The following GRID2 variants were observed in gnomAD, a reference collection of about 807,000 sequenced individuals.
GRID2 encodes the protein glutamate ionotropic receptor delta type subunit 2.
Under a neutral mutation model 114.8 loss-of-function variants are expected in GRID2, and 33 were observed. The ratio of observed to expected loss-of-function variants is 0.29; its 90% CI spans 0.22 to 0.38. The LOEUF is 0.38. Ranked by LOEUF, GRID2 falls within the 10% of genes least tolerant of loss-of-function variation. GRID2 has a pLI of 1.00. For missense variants in GRID2, 1,184 were observed against 1,257.7 expected (o/e 0.94, Z 0.89); for synonymous variants, 505 against 449.9 (o/e 1.12, Z -1.55).
intron 1 of GRID2, among the ~76,000 whole-genome samples, chr4:92,391,441 A>G (rs1252664307): frequency 6.6e-6 from 1 of 152,278 alleles, no homozygotes. Context: ...AATAATATTA[A>G]CAGTATTAGT....
chr4:92,969,543 A>G (rs1273113344), intron 2 of GRID2, among the ~76,000 whole-genome samples: 1 of 151,786 alleles, frequency 6.6e-6, no homozygotes, highest in East Asian at 1.9e-4. Context: ...GCTAACATGT[A>G]TTGAGTAATT....
chr4:92,960,188 G>C (rs1290492137), intron 2 of GRID2, among the ~76,000 whole-genome samples: 2 of 151,942 alleles, frequency 1.3e-5, no homozygotes, highest in Non-Finnish European at 2.9e-5. Flanking sequence ...CCCAGAATGT[G>C]GTTTACCTTG....
At chr4:93,227,391 C>A (rs1160242445) in intron 7 of GRID2, among the ~76,000 whole-genome samples, 3 of 151,972 alleles carry the variant, frequency 2.0e-5, no homozygotes, top group Non-Finnish European at 4.4e-5. Context: ...CCACACCTGG[C>A]TAATTTTTTG....
At chr4:93,747,228 T>C (rs1466327331) in intron 14 of GRID2, among the ~76,000 whole-genome samples, 1 of 152,126 alleles carries the variant, frequency 6.6e-6, no homozygotes, top group East Asian at 1.9e-4. Context: ...TCCATACTGC[T>C]TTGCTTAGTT....
chr4:92,766,640 C>G (rs1257657698), intron 2 of GRID2, among the ~76,000 whole-genome samples: 5 of 151,154 alleles, frequency 3.3e-5, no homozygotes, highest in South Asian at 4.2e-4. Context: ...ACTAGACTGT[C>G]TAAAGGTCAT....
At chr4:93,626,014 T>G (rs1432614196) in intron 13 of GRID2, among the ~76,000 whole-genome samples, 1 of 152,236 alleles carries the variant, frequency 6.6e-6, no homozygotes, top group African/African-American at 2.4e-5. Flanking sequence ...AGACATGATT[T>G]AAGTATACTG....
chr4:93,506,703 G>T (rs549855558), intron 12 of GRID2, among the ~76,000 whole-genome samples: 2 of 152,232 alleles, frequency 1.3e-5, no homozygotes, highest in Admixed American at 1.3e-4. Flanking sequence ...AACCCTCTTT[G>T]TTCCTCCTAT....
chr4:92,627,598 T>C (rs1219252308), intron 2 of GRID2, among the ~76,000 whole-genome samples: 1 of 152,132 alleles, frequency 6.6e-6, no homozygotes, highest in Non-Finnish European at 1.5e-5. Context: ...ATTTGTGCAA[T>C]TTAATAATAA....
chr4:92,823,376 T>C lies in GRID2; in HGVS notation c.244+233090T>C, dbSNP rs141742029. Among the ~76,000 whole-genome samples the C allele has an allele frequency of 2.7e-3, 410 of 152,246 alleles. 2 individuals carry two copies. The highest frequency in any genetic ancestry group is 9.4e-3 in the African/African-American group (391 of 41,568). ...CCAATCCCTAGCACCCTGTACAAGA[T>C]TGATCTATTGATATTTGCTAAATTT... On this transcript the variant is annotated intron_variant, in intron 2 of 15. Transcript: ENST00000282020.
intron 1 of GRID2, among the ~76,000 whole-genome samples, chr4:92,559,918 G>T (rs1448791293): frequency 6.6e-6 from 1 of 152,112 alleles, no homozygotes; most frequent in Non-Finnish European, 1.5e-5. Flanking sequence ...ACCAAAATTA[G>T]ACTTCTTATA....
At chr4:92,499,067 C>A (rs564542863) in intron 1 of GRID2, among the ~76,000 whole-genome samples, 11 of 151,756 alleles carry the variant, frequency 7.2e-5, no homozygotes, top group African/African-American at 2.4e-4. Context: ...AGTTGTCTTA[C>A]TTTTATACAG....
intron 12 of GRID2, among the ~76,000 whole-genome samples, chr4:93,503,833 TA>T (rs1361622660): frequency 2.0e-5 from 3 of 152,126 alleles, no homozygotes; most frequent in Admixed American, 6.6e-5. Flanking sequence ...GAGATAAATT[TA>T]AAAAAAATAT....
In GRID2 at chr4:92,749,266, G is replaced by C. The variant is rs556566378; in HGVS notation, c.244+158980G>C. Among the ~76,000 whole-genome samples, 13 of 145,946 alleles carry C rather than the reference G, an allele frequency of 8.9e-5. No individual in the cohort carries two copies. The South Asian group carries it at 2.9e-3, about 32-fold the overall frequency. On this transcript the variant is annotated intron_variant, in intron 2 of 15. Transcript: ENST00000282020. ...ATCTGCCCGCCTCCCAAAGTACTGG[G>C]ATTACAGCAGGCATGAGACGCCGCG...
rs542430265 is a variant in GRID2, at chr4:92,486,399, C to G, written c.89-103732C>G. Among the ~76,000 whole-genome samples, 15 of 151,764 alleles carry G rather than the reference C, an allele frequency of 9.9e-5. No homozygotes were observed. The South Asian group carries it at 2.9e-3, about 29-fold the overall frequency. On this transcript the variant is annotated intron_variant, in intron 1 of 15. Coordinates refer to ENST00000282020, the MANE Select transcript of GRID2 (RefSeq NM_001510.4). ...ATTTTTCCTTTCATATACTCCTTGT[C>G]ATATATGTAAATATAATAAAACTTG...
chr4:93,783,880 G>T (rs1405802634), intron 1 of GRID2, among the ~76,000 whole-genome samples: 1 of 151,222 alleles, frequency 6.6e-6, no homozygotes, highest in African/African-American at 2.4e-5. Flanking sequence ...AGACCATCCC[G>T]GCTAAAACGG....
chr4:92,444,764 C>T (rs1249442431), intron 1 of GRID2, among the ~76,000 whole-genome samples: 2 of 152,162 alleles, frequency 1.3e-5, no homozygotes, highest in African/African-American at 2.4e-5. Flanking sequence ...AGAATATATC[C>T]TAAAAATTTA....
intron 1 of GRID2, among the ~76,000 whole-genome samples, chr4:92,307,844 T>C (rs555651803): frequency 2.6e-5 from 4 of 152,266 alleles, no homozygotes; most frequent in African/African-American, 9.6e-5. Context: ...TAAAGAAAGG[T>C]CTTTTGACAT....
At chr4:92,664,905 C>T (rs1243537638) in intron 2 of GRID2, among the ~76,000 whole-genome samples, 1 of 149,466 alleles carries the variant, frequency 6.7e-6, no homozygotes, top group Non-Finnish European at 1.5e-5. Context: ...TCATTTTCAA[C>T]CTATTTCTGT....
At chr4:92,803,765 AC>A (rs1740283719) in intron 2 of GRID2, among the ~76,000 whole-genome samples, 1 of 152,036 alleles carries the variant, frequency 6.6e-6, no homozygotes, top group Non-Finnish European at 1.5e-5. Context: ...ATACAGCCAT[AC>A]ATTCTTTTTG....
Sources: allele counts gnomAD v4.1 joint callset (sites outside exome capture counted in the v4.1 genomes callset), GRCh38; gene constraint gnomAD v4.1.1; transcripts MANE v1.5; gene names NCBI Gene and HGNC (gene_info 2026-07-23, HGNC 2026-07-21).